The following DCPS variants were observed in gnomAD, a reference collection of about 807,000 sequenced individuals.
The protein encoded by DCPS is decapping enzyme, scavenger, also known as m7GpppX diphosphatase.
In DCPS, 27 loss-of-function variants were observed where a neutral mutation model predicts 34.7. The observed-to-expected ratio is 0.78, with a 90% confidence interval of 0.57 to 1.07. The LOEUF (loss-of-function observed/expected upper bound fraction) is 1.07. Among genes scored for constraint, DCPS ranks in the 50% least tolerant of loss-of-function variants. The pLI is 0.00. For missense variants in DCPS, 464 were observed against 436.9 expected (o/e 1.06, Z -0.55); for synonymous variants, 185 against 185.7 (o/e 1.00, Z 0.03).
chr11:126,329,705 T>C lies in DCPS; in HGVS notation c.377-1700T>C, dbSNP rs368286641. ...TCTGCCACGTTTCACGGTGTGATACTGGATGACTCTTTTGAGTCCCAGCCC... is the reference window on the plus strand; with the variant it reads ...TCTGCCACGTTTCACGGTGTGATACCGGATGACTCTTTTGAGTCCCAGCCC... On this transcript the variant is annotated intron_variant, in intron 2 of 5. Transcript: ENST00000263579. This position sits in a 1 kb window ranked among gnomAD's most constrained non-coding sequence, Gnocchi z 5.0. 9.8e-5 allele frequency among the ~76,000 whole-genome samples: 15 copies of C among 152,324 alleles called. 1 individual carries two copies. In the East Asian group the frequency reaches 2.7e-3, roughly 27 times the overall value.
rs1479035354 is a variant in DCPS, at chr11:126,312,220, C to T, written c.376+5476C>T. Among the ~76,000 whole-genome samples, 3 of 152,158 alleles carry T rather than the reference C, an allele frequency of 2.0e-5. No individual in the cohort carries two copies. The highest frequency in any genetic ancestry group is 1.9e-4 in the East Asian group (1 of 5,192). ...TGCTGAGAGTACAGGCGTGAGCCAC[C>T]GCATCTGGCCAGAAGTGAAACTTTA... On this transcript the variant is annotated intron_variant, in intron 2 of 5. Coordinates refer to ENST00000263579, the MANE Select transcript of DCPS (RefSeq NM_014026.6). This position sits in a 1 kb window ranked among gnomAD's most constrained non-coding sequence, Gnocchi z 5.1.
chr11:126,317,350 A>C (rs187022107), intron 2 of DCPS, among the ~76,000 whole-genome samples: 4 of 149,964 alleles, frequency 2.7e-5, no homozygotes, highest in Non-Finnish European at 4.4e-5. Context: ...CATATTTTAA[A>C]TTCTCCTCTC....
intron 5 of DCPS, among the ~76,000 whole-genome samples, chr11:126,343,629 T>A (rs984001945): frequency 6.6e-6 from 1 of 152,082 alleles, no homozygotes; most frequent in African/African-American, 2.4e-5. Context: ...TCACACGCCT[T>A]CCTCGGCCTT....
chr11:126,349,246 G>A lies in DCPS; in HGVS notation c.*3633G>A, dbSNP rs2135344813. On this transcript the variant is annotated 3_prime_UTR_variant, in exon 6 of 6. Coordinates refer to ENST00000263579, the MANE Select transcript of DCPS (RefSeq NM_014026.6). This position sits in a 1 kb window ranked among gnomAD's most constrained non-coding sequence, Gnocchi z 5.4. Reference sequence around the variant, plus strand: ...GCAGCATGACACCTTGGTCCTGTGTGCTGCAGAGTGCCTCATGTGTTGAAC... The same window carrying A: ...GCAGCATGACACCTTGGTCCTGTGTACTGCAGAGTGCCTCATGTGTTGAAC... Among the ~76,000 whole-genome samples, 1 of 152,358 alleles carries A rather than the reference G, an allele frequency of 6.6e-6. No individual in the cohort carries two copies. The highest frequency in any genetic ancestry group is 6.5e-5 in the Admixed American group (1 of 15,302).
rs1951718569 is a variant in DCPS, at chr11:126,322,946, C to T, written c.377-8459C>T. 6.6e-6 allele frequency among the ~76,000 whole-genome samples: 1 copy of T among 152,160 alleles called. No individual in the cohort carries two copies. Among genetic ancestry groups the T allele is most frequent in the South Asian group, 2.1e-4 (1 of 4,834 alleles). ...GAGTTCAAGTGATTCTCCCACTTCA[C>T]CTTCCCGAGTAGTGGCGACCAGAGG... On this transcript the variant is annotated intron_variant, in intron 2 of 5. Coordinates refer to ENST00000263579, the MANE Select transcript of DCPS (RefSeq NM_014026.6). This position sits in a 1 kb window ranked among gnomAD's most constrained non-coding sequence, Gnocchi z 4.2.
rs1487593657 is a variant in DCPS, at chr11:126,319,874, A to G, written c.377-11531A>G. ...TGTGTGTCCTTGGGCAAATTACTCA[A>G]CATCTCTGGGGCTCAGTTTTAAGGG... On this transcript the variant is annotated intron_variant, in intron 2 of 5. Transcript: ENST00000263579. The surrounding 1 kb of genome is among the most constrained non-coding windows in gnomAD (Gnocchi z 4.5). Among the ~76,000 whole-genome samples, 1 of 152,130 alleles carries G rather than the reference A, an allele frequency of 6.6e-6. No individual in the cohort carries two copies. Among genetic ancestry groups the G allele is most frequent in the Non-Finnish European group, 1.5e-5 (1 of 68,026 alleles).
At chr11:126,343,249 G>T in intron 4 of DCPS, 58 bp from the exon 5 acceptor site, 1 of 1,459,774 alleles carries the variant, frequency 6.9e-7, no homozygotes. Flanking sequence ...CTCCAGGGTT[G>T]GCAGCCTCCC....
Position 126,331,553 on chromosome 11 carries a change from G to C in DCPS, c.522+3G>C. 1.2e-6 allele frequency: 2 copies of C among 1,613,758 alleles called. No individual in the cohort carries two copies. Among genetic ancestry groups the C allele is most frequent in the Non-Finnish European group, 1.7e-6 (2 of 1,179,840 alleles). On this transcript the variant is annotated splice_donor_region_variant and intron_variant, in intron 3 of 5. Coordinates refer to ENST00000263579, the MANE Select transcript of DCPS (RefSeq NM_014026.6). This position sits in a 1 kb window ranked among gnomAD's most constrained non-coding sequence, Gnocchi z 7.2. The stretch of plus-strand genomic sequence containing the variant: ...AGTCCCAGAGCCTCAGCATCCAGGT[G>C]ACTGGCTGCATGTCTCAGACGCAGA...
Position 126,337,181 on chromosome 11 carries a change from T to G in DCPS, c.523-1105T>G, listed in dbSNP as rs1951838802. 1 of 152,234 alleles carries G rather than the reference T, an allele frequency of 6.6e-6. No homozygotes were observed. The allele number at this position is 152,234 out of a possible 1,614,324, so 9.4% of individuals were successfully genotyped here. ...GGTTCCCTGGCCTCCCCATCCCACC[T>G]CGTGTCCATGGCTCCTTCTCCTACA... On this transcript the variant is annotated intron_variant, in intron 3 of 5. Transcript: ENST00000263579. The surrounding 1 kb of genome is among the most constrained non-coding windows in gnomAD (Gnocchi z 5.3).
Position 126,344,244 on chromosome 11 carries a change from T to C in DCPS, c.747+827T>C, listed in dbSNP as rs1951899662. Reference sequence around the variant, plus strand: ...AGACCTGGAGGCAAGGCTCTGCCCATACCCAGCTTCCCCTGCTGCTGGGCC... The same window carrying C: ...AGACCTGGAGGCAAGGCTCTGCCCACACCCAGCTTCCCCTGCTGCTGGGCC... On this transcript the variant is annotated intron_variant, in intron 5 of 5. Transcript: ENST00000263579. The surrounding 1 kb of genome is among the most constrained non-coding windows in gnomAD (Gnocchi z 8.1). Among the ~76,000 whole-genome samples, 1 of 152,182 alleles carries C rather than the reference T, an allele frequency of 6.6e-6. No homozygotes were observed. Among genetic ancestry groups the C allele is most frequent in the African/African-American group, 2.4e-5 (1 of 41,448 alleles).
rs993332639 is a variant in DCPS, at chr11:126,328,122, C to T, written c.377-3283C>T. Among the ~76,000 whole-genome samples the T allele has an allele frequency of 1.3e-5, 2 of 152,128 alleles. No homozygotes were observed. The highest frequency in any genetic ancestry group is 2.9e-5 in the Non-Finnish European group (2 of 68,006). On this transcript the variant is annotated intron_variant, in intron 2 of 5. Transcript: ENST00000263579. This position sits in a 1 kb window ranked among gnomAD's most constrained non-coding sequence, Gnocchi z 6.6. Reference sequence around the variant, plus strand: ...GGCCTGGAGAGGAGCCCATGGCTGACGCGAGTTAGTGGGTCAGTGGGGAGC... The same window carrying T: ...GGCCTGGAGAGGAGCCCATGGCTGATGCGAGTTAGTGGGTCAGTGGGGAGC...
In DCPS at chr11:126,338,058, G is replaced by A. The variant is rs1284263286; in HGVS notation, c.523-228G>A. 2.0e-5 allele frequency: 11 copies of A among 548,652 alleles called. No homozygotes were observed. Among genetic ancestry groups the A allele is most frequent in the South Asian group, 4.1e-5 (2 of 49,074 alleles). 34.0% of individuals were successfully genotyped at this position (548,652 alleles called of 1,614,324 possible). ...AAGCTGCAGAGACCCTTGTGATGAC[G>A]CATGGCTGAGTGCCAGCTGGAGTGG... On this transcript the variant is annotated intron_variant, in intron 3 of 5. Transcript: ENST00000263579. The surrounding 1 kb of genome is among the most constrained non-coding windows in gnomAD (Gnocchi z 5.4).
rs1012471349 is a variant in DCPS at position 126,312,541 on chromosome 11, A to G, written c.376+5797A>G. On this transcript the variant is annotated intron_variant, in intron 2 of 5. Coordinates refer to ENST00000263579, the MANE Select transcript of DCPS (RefSeq NM_014026.6). The surrounding 1 kb of genome is among the most constrained non-coding windows in gnomAD (Gnocchi z 5.1). ...TTTTTAATAGAGATGGGTTTTCACC[A>G]CGTTGGCCAGGCTGGTCTCAAACTC... Among the ~76,000 whole-genome samples the G allele has an allele frequency of 6.6e-6, 1 of 151,858 alleles. No homozygotes were observed. The highest frequency in any genetic ancestry group is 2.4e-5 in the African/African-American group (1 of 41,324).
rs1346813161 is a variant in DCPS at position 126,333,530 on chromosome 11, TC to T, written c.522+1984del. ...TTGGGACTTCACAGGGAGAGGATCC[TC>T]CCCTTGGGTCTTACAGGACAAATAG... On this transcript the variant is annotated intron_variant, in intron 3 of 5. Coordinates refer to ENST00000263579, the MANE Select transcript of DCPS (RefSeq NM_014026.6). The surrounding 1 kb of genome is among the most constrained non-coding windows in gnomAD (Gnocchi z 5.7). Among the ~76,000 whole-genome samples the T allele has an allele frequency of 6.6e-6, 1 of 152,198 alleles. No individual in the cohort carries two copies. Among genetic ancestry groups the T allele is most frequent in the African/African-American group, 2.4e-5 (1 of 41,442 alleles).
At chr11:126,305,720 C>CTTGTTTTTTG (rs1478598601) in intron 1 of DCPS, among the ~76,000 whole-genome samples, 1 of 152,096 alleles carries the variant, frequency 6.6e-6, no homozygotes, top group Non-Finnish European at 1.5e-5. Flanking sequence ...TGCGCTGGGC[C>CTTGTTTTTTG]TTGTTTTTTG....
rs376709099 is a variant in DCPS, at chr11:126,312,221, G to A, written c.376+5477G>A. The stretch of plus-strand genomic sequence containing the variant: ...GCTGAGAGTACAGGCGTGAGCCACC[G>A]CATCTGGCCAGAAGTGAAACTTTAA... On this transcript the variant is annotated intron_variant, in intron 2 of 5. Coordinates refer to ENST00000263579, the MANE Select transcript of DCPS (RefSeq NM_014026.6). This position sits in a 1 kb window ranked among gnomAD's most constrained non-coding sequence, Gnocchi z 5.1. Among the ~76,000 whole-genome samples, 24 of 152,084 alleles carry A rather than the reference G, an allele frequency of 1.6e-4. No individual in the cohort carries two copies. Among genetic ancestry groups the A allele is most frequent in the African/African-American group, 5.1e-4 (21 of 41,482 alleles).
intron 2 of DCPS, among the ~76,000 whole-genome samples, chr11:126,308,096 G>T (rs1951588880): frequency 6.6e-6 from 1 of 152,168 alleles, no homozygotes; most frequent in African/African-American, 2.4e-5. Flanking sequence ...GCAGAGATTT[G>T]TTTTTCATTG....
rs763444017 is a variant in DCPS, at chr11:126,333,966, T to C, written c.522+2416T>C. 6.6e-6 allele frequency among the ~76,000 whole-genome samples: 1 copy of C among 152,100 alleles called. No individual in the cohort carries two copies. Among genetic ancestry groups the C allele is most frequent in the Non-Finnish European group, 1.5e-5 (1 of 68,026 alleles). On this transcript the variant is annotated intron_variant, in intron 3 of 5. Transcript: ENST00000263579. The surrounding 1 kb of genome is among the most constrained non-coding windows in gnomAD (Gnocchi z 5.7). ...AGGGTGCCCTAAACGGTTTTAAGCA[T>C]GTGGATGATATGGCCCGATTTGCAG...
At chr11:126,307,473 C>T (rs898399745) in intron 2 of DCPS, among the ~76,000 whole-genome samples, 12 of 152,048 alleles carry the variant, frequency 7.9e-5, no homozygotes, top group East Asian at 3.9e-4. Flanking sequence ...TGCAGTGGCG[C>T]GATCTCGGCT....
Sources: allele counts gnomAD v4.1 joint callset (sites outside exome capture counted in the v4.1 genomes callset), GRCh38; gene constraint gnomAD v4.1.1; non-coding constraint Gnocchi (gnomAD v3.1); transcripts MANE v1.5; gene names NCBI Gene and HGNC (gene_info 2026-07-23, HGNC 2026-07-21).